Variants in SLC6A8 observed in about 807,000 individuals in gnomAD.
The protein encoded by SLC6A8 is solute carrier family 6 member 8, also known as sodium- and chloride-dependent creatine transporter 1.
Under a neutral mutation model 48.3 loss-of-function variants are expected in SLC6A8, and 6 were observed. The observed-to-expected ratio is 0.12, with a 90% confidence interval of 0.07 to 0.25. The LOEUF (loss-of-function observed/expected upper bound fraction) is 0.25, where lower values mean the gene tolerates loss of function less well. SLC6A8 is among the 10% of genes least tolerant of loss of function. SLC6A8 has a pLI of 1.00. For missense variants in SLC6A8, 260 were observed against 551.5 expected, an observed-to-expected ratio of 0.47 and a Z score of 5.29; for synonymous variants, 245 against 244.0, an observed-to-expected ratio of 1.00 and a Z score of -0.04.
chrX:153,691,947 C>G, intron 3 of SLC6A8, 28 bp from the exon 4 acceptor site: 2 of 1,169,053 alleles, frequency 1.7e-6, no homozygotes, highest in Middle Eastern at 3.1e-4. Context: ...CTGGCACAGG[C>G]CTCATGGGAC....
chrX:153,696,414 G>A lies in SLC6A8; in HGVS notation c.*1200G>A, dbSNP rs1394657091. The A allele has an allele frequency of 3.6e-5, 12 of 330,299 alleles. No homozygotes were observed. Among genetic ancestry groups the A allele is most frequent in the East Asian group, 2.9e-4 (3 of 10,272 alleles). The allele number at this position is 330,299 out of a possible 1,213,427, so 27.2% of individuals were successfully genotyped here. A position where few individuals can be genotyped will look rare whatever the true frequency, so the allele number is the denominator to read the frequency against. On this transcript the variant is annotated 3_prime_UTR_variant, in exon 13 of 13. Transcript: ENST00000253122. ...CTTCTGTGTAGCAGCTTTAACCCAC[G>A]TTTGTCTGTCACGTCCAGTCCCGAG...
chrX:153,694,500 C>T (rs1406903387), intron 10 of SLC6A8, 33 bp from the exon 11 acceptor site: 1 of 1,190,443 alleles, frequency 8.4e-7, no homozygotes, highest in Admixed American at 2.2e-5. Flanking sequence ...AGGCAGGTCT[C>T]CAGCTTGGCC....
chrX:153,689,183 GGGCACACAAGC>G (rs1286236035), intron 1 of SLC6A8, among the ~76,000 whole-genome samples: 4 of 111,367 alleles, frequency 3.6e-5, no homozygotes, highest in African/African-American at 1.3e-4. Flanking sequence ...CCCACGGGTC[GGGCACACAAGC>G]GGCACATTGT....
At chrX:153,690,062 C>T (rs370956712) in intron 1 of SLC6A8, among the ~76,000 whole-genome samples, 2 of 113,228 alleles carry the variant, frequency 1.8e-5, no homozygotes, top group African/African-American at 6.4e-5. Context: ...AGGGACAGCC[C>T]GCGTGTCTGA....
chrX:153,694,480 G>C (rs782403987), intron 10 of SLC6A8, 34 bp downstream of exon 10: 1 of 1,194,498 alleles, frequency 8.4e-7, no homozygotes. Context: ...CTGGGGGATG[G>C]TGGCGGGGAA....
At position 153,694,144 on chromosome X, in the gene SLC6A8, G is replaced by A. The variant is rs1276752437; in HGVS notation, c.1269G>A (p.Glu423=). ...CCTGGCCACAGTTTGTAGGTGTGGA[G>A]GGCTTCATCACCGGCCTCCTCGACC... ...LGLDSQFVGV[E]GFITGLLDLL... Residue 423 remains glutamate (E), a synonymous_variant, in exon 9 of 13, where the codon GAG becomes GAA. Transcript: ENST00000253122. The A allele has an allele frequency of 4.1e-6, 5 of 1,209,093 alleles. No homozygotes were observed. In the Admixed American group the frequency reaches 6.5e-5, roughly 16 times the overall value.
intron 7 of SLC6A8, 107 bp downstream of exon 7, chrX:153,693,693 G>C: frequency 2.0e-6 from 2 of 994,280 alleles, no homozygotes; most frequent in Non-Finnish European, 2.8e-6. Flanking sequence ...GGATTCAAAC[G>C]GAACTTGTCA....
intron 4 of SLC6A8, 54 bp from the exon 5 acceptor site, chrX:153,692,987 G>A (rs782107021): frequency 1.1e-4 from 137 of 1,200,443 alleles, no homozygotes; most frequent in Non-Finnish European, 1.5e-4. Context: ...CGCTGGGAGT[G>A]GGGGTGTGAG....
At position 153,696,114 on chromosome X, in the gene SLC6A8, CGTGT is replaced by C. The variant is rs782756300; in HGVS notation, c.*904_*907del. 2.4e-3 allele frequency: 482 copies of C among 202,152 alleles called. No homozygotes were observed. The highest frequency in any genetic ancestry group is 3.9e-3 in the Non-Finnish European group (426 of 108,582). The allele number at this position is 202,152 out of a possible 1,213,427, so 16.7% of individuals were successfully genotyped here. On this transcript the variant is annotated 3_prime_UTR_variant, in exon 13 of 13. Transcript: ENST00000253122. ...GCAAAACAAAAGCTTCGAGCTGTTG[CGTGT>C]GTGAGTCTGTTGTGTGGATGTGCGT...
rs138634140 is a variant in SLC6A8, at chrX:153,693,089, C to T, written c.826C>T (p.Leu276=). Residue 276 remains leucine, a synonymous_variant, in exon 5 of 13, where the codon CTG becomes TTG. Transcript: ENST00000253122. ...TFPYVVLVVL[L]VRGVLLPGAL... is the part of the protein sequence containing the mutation. ...CCCCTACGTGGTCCTGGTCGTGCTG[C>T]TGGTGCGTGGAGTGCTGCTGCCTGG... The T allele has an allele frequency of 1.7e-5, 21 of 1,209,373 alleles. No individual in the cohort carries two copies. The African/African-American group carries it at 2.6e-4, about 15-fold the overall frequency.
intron 12 of SLC6A8, 84 bp from the exon 13 acceptor site, chrX:153,694,990 T>C (rs2314073): frequency 1.8e-6 from 2 of 1,134,611 alleles, no homozygotes; most frequent in Non-Finnish European, 2.4e-6. Flanking sequence ...TGGCAGGCAG[T>C]GGGAACCGGA....
chrX:153,692,828 A>G (rs1557044848), intron 4 of SLC6A8: 7 of 502,923 alleles, frequency 1.4e-5, no homozygotes, highest in Non-Finnish European at 2.1e-5. Flanking sequence ...GCGTCCCTGC[A>G]GACAAACGAG....
rs144252036 is a variant in SLC6A8, at chrX:153,693,465, C to T, written c.1020C>T (p.Asp340=). 7.4e-5 allele frequency: 89 copies of T among 1,209,311 alleles called. No homozygotes were observed. In the African/African-American group the frequency reaches 9.3e-4, roughly 13 times the overall value. Residue 340 remains aspartate (D), a synonymous_variant, in exon 7 of 13, where the codon GAC becomes GAT. Coordinates refer to ENST00000253122, the MANE Select transcript of SLC6A8 (RefSeq NM_005629.4). The part of the protein sequence containing the change: ...YNRFNNNCYK[D]AIILALINSG... ...CTCTGGCCCCTCCACCCCTCAGGGA[C>T]GCCATCATCCTGGCTCTCATCAACA...
rs371888321 is a variant in SLC6A8 at position 153,693,399 on chromosome X, T to TCCTGC, written c.1016+41_1016+45dup. On this transcript the variant is annotated intron_variant, in intron 6 of 12. Coordinates refer to ENST00000253122, the MANE Select transcript of SLC6A8 (RefSeq NM_005629.4). ...CCGCCGCCCTGCCACCCGTGCCCTG[T>TCCTGC]CCTGCCCTGCCCCGCCCTGCCCAGC... 2.3e-3 allele frequency: 2,739 copies of TCCTGC among 1,205,653 alleles called. 30 individuals carry two copies. In the African/African-American group the frequency reaches 0.04, roughly 18 times the overall value.
chrX:153,692,655 A>G (rs1557044765), intron 4 of SLC6A8: 4 of 346,931 alleles, frequency 1.2e-5, no homozygotes, highest in Non-Finnish European at 1.7e-5. Flanking sequence ...CTCTCTCCAG[A>G]AGAGGAGGGG....
Position 153,693,468 on chromosome X carries a change from C to T in SLC6A8, c.1023C>T (p.Ala341=), listed in dbSNP as rs2148363164. The stretch of plus-strand genomic sequence containing the variant: ...TGGCCCCTCCACCCCTCAGGGACGC[C>T]ATCATCCTGGCTCTCATCAACAGTG... ...NRFNNNCYKD[A]IILALINSGT... is the part of the protein sequence containing the mutation. Residue 341 remains alanine, a synonymous_variant, in exon 7 of 13, where the codon GCC becomes GCT. Coordinates refer to ENST00000253122, the MANE Select transcript of SLC6A8 (RefSeq NM_005629.4). 3 of 1,211,465 alleles carry T rather than the reference C, an allele frequency of 2.5e-6. No homozygotes were observed. Among genetic ancestry groups the T allele is most frequent in the Admixed American group, 2.2e-5 (1 of 46,055 alleles).
chrX:153,690,810 G>A lies in SLC6A8; in HGVS notation c.394+304G>A. Reference sequence around the variant, plus strand: ...TACTGTTACTATCCCCAAGGACGCTGGGGCACAGACAGGTGGAGCGACGTA... The same window carrying A: ...TACTGTTACTATCCCCAAGGACGCTAGGGCACAGACAGGTGGAGCGACGTA... On this transcript the variant is annotated intron_variant, in intron 2 of 12. Transcript: ENST00000253122. The A allele has an allele frequency of 9.2e-6, 3 of 324,819 alleles. No homozygotes were observed. In the South Asian group the frequency reaches 1.1e-4, roughly 12 times the overall value. 26.8% of individuals were successfully genotyped at this position (324,819 alleles called of 1,213,427 possible).
Position 153,693,259 on chromosome X carries a change from C to A in SLC6A8, c.913-4C>A, listed in dbSNP as rs200169885. On this transcript the variant is annotated splice_region_variant and splice_polypyrimidine_tract_variant and intron_variant, in intron 5 of 12. Coordinates refer to ENST00000253122, the MANE Select transcript of SLC6A8 (RefSeq NM_005629.4). The stretch of plus-strand genomic sequence containing the variant: ...CATGCCTGCGCTCTCCGGCCCTTCT[C>A]TAGGTGTGGATAGATGCGGGGACCC... The A allele has an allele frequency of 8.3e-7, 1 of 1,209,520 alleles. No individual in the cohort carries two copies. The highest frequency in any genetic ancestry group is 3.0e-5 in the East Asian group (1 of 33,773).
rs372390739 is a variant in SLC6A8, at chrX:153,694,473, G to A, written c.1495+27G>A. On this transcript the variant is annotated intron_variant, in intron 10 of 12. Coordinates refer to ENST00000253122, the MANE Select transcript of SLC6A8 (RefSeq NM_005629.4). Reference sequence around the variant, plus strand: ...TAGGTCATGGCTGAGGGCTGGGCTGGGGGATGGTGGCGGGGAAGGCAGGTC... The same window carrying A: ...TAGGTCATGGCTGAGGGCTGGGCTGAGGGATGGTGGCGGGGAAGGCAGGTC... 2.5e-6 allele frequency: 3 copies of A among 1,193,789 alleles called. No individual in the cohort carries two copies. In the African/African-American group the frequency reaches 5.3e-5, roughly 21 times the overall value.
Sources: gnomAD v4.1 joint callset for allele counts (sites outside exome capture counted in the v4.1 genomes callset) on GRCh38, gnomAD v4.1.1 for gene constraint, MANE v1.5 for transcripts, NCBI Gene and HGNC (gene_info 2026-07-23, HGNC 2026-07-21) for gene names.